MYLK: variants seen among roughly 807,000 people sequenced by gnomAD.
MYLK encodes the protein myosin light chain kinase, also known as myosin light chain kinase, smooth muscle.
In MYLK, 106 loss-of-function variants were observed where a neutral mutation model predicts 203.4. The observed-to-expected ratio is 0.52, with a 90% CI of 0.45 to 0.61. The LOEUF (loss-of-function observed/expected upper bound fraction) is 0.61, where lower values mean the gene tolerates loss of function less well. Among genes scored for constraint, MYLK ranks in the 20% least tolerant of loss-of-function variants. The pLI, the probability that MYLK is intolerant of heterozygous loss-of-function variation, is 0.00. For missense variants in MYLK, 2,072 were observed against 2,442.3 expected (o/e 0.85, Z 3.20); for synonymous variants, 867 against 959.5 (o/e 0.90, Z 1.78).
At chr3:123,806,556 G>A (rs1267176672) in intron 3 of MYLK, among the ~76,000 whole-genome samples, 1 of 152,126 alleles carries the variant, frequency 6.6e-6, no homozygotes, top group Non-Finnish European at 1.5e-5. Flanking sequence ...GTTACCAAAA[G>A]GGTTTTTACT....
chr3:123,716,725 C>G (rs33259), intron 13 of MYLK, among the ~76,000 whole-genome samples: 149,654 of 152,316 alleles, frequency 0.98, 73,566 homozygotes, highest in Middle Eastern at 1. Flanking sequence ...GGAGCTCAAT[C>G]CTGCGATTCT....
intron 4 of MYLK, among the ~76,000 whole-genome samples, chr3:123,778,466 T>C (rs896558668): frequency 1.4e-5 from 2 of 148,040 alleles, no homozygotes; most frequent in African/African-American, 2.5e-5. Context: ...TGAGCCAAGA[T>C]TGCGCCACTG....
chr3:123,733,999 G>A lies in MYLK; in HGVS notation c.997C>T (p.Pro333Ser). 1 of 1,614,210 alleles carries A rather than the reference G, an allele frequency of 6.2e-7. No homozygotes were observed. The highest frequency in any genetic ancestry group is 8.5e-7 in the Non-Finnish European group (1 of 1,180,044). ...GTCTTCTGAAGGACCGGGGTCTGCG[G>A]GGCCGTTCTGGGCGAGTCCTTGCAT... is the stretch of plus-strand genomic sequence containing the variant. Reference protein sequence around the residue: ...ESCKDSPRTAPQTPVLQKTSS... With the variant: ...ESCKDSPRTASQTPVLQKTSS... The change falls in exon 10 of 34, where the codon CCG (proline) becomes TCG (serine). Residue 333 changes from proline to serine, a missense_variant. Physicochemically the swap from Pro to Ser is moderately conservative, Grantham distance 74 (BLOSUM62 -1). Coordinates refer to ENST00000360304, the MANE Select transcript of MYLK (RefSeq NM_053025.4).
At chr3:123,798,864 T>C (rs930191409) in intron 3 of MYLK, among the ~76,000 whole-genome samples, 1 of 152,096 alleles carries the variant, frequency 6.6e-6, no homozygotes, top group African/African-American at 2.4e-5. Context: ...GTTACTGACA[T>C]ATGTGGAATG....
chr3:123,701,107 G>A, intron 17 of MYLK, 102 bp from the exon 18 acceptor site: 2 of 1,475,968 alleles, frequency 1.4e-6, no homozygotes, highest in Non-Finnish European at 1.8e-6. Context: ...GGAGGGTAGA[G>A]GGGAGCGGGA....
intron 31 of MYLK, chr3:123,625,150 C>T (rs16834480): frequency 0.18 from 28,082 of 152,292 alleles, 6,184 homozygotes; most frequent in African/African-American, 0.5. Context: ...TCTCTGTATT[C>T]TGACTGAGGT....
chr3:123,843,397 G>A (rs1024746785), intron 2 of MYLK, among the ~76,000 whole-genome samples: 1 of 152,170 alleles, frequency 6.6e-6, no homozygotes, highest in African/African-American at 2.4e-5. Flanking sequence ...TATGAGATAA[G>A]AATGAACATC....
chr3:123,823,852 T>C (rs2066020953), intron 3 of MYLK, among the ~76,000 whole-genome samples: 1 of 152,202 alleles, frequency 6.6e-6, no homozygotes, highest in Non-Finnish European at 1.5e-5. Flanking sequence ...CCTGCTTTGC[T>C]GTTCCTCCAA....
intron 4 of MYLK, among the ~76,000 whole-genome samples, chr3:123,757,563 G>C (rs1481562559): frequency 6.6e-6 from 1 of 152,166 alleles, no homozygotes; most frequent in African/African-American, 2.4e-5. Flanking sequence ...ATTGAGCTGA[G>C]GCCAGGGAGA....
chr3:123,873,997 C>T (rs936581839), intron 2 of MYLK, among the ~76,000 whole-genome samples: 4 of 151,928 alleles, frequency 2.6e-5, no homozygotes, highest in Non-Finnish European at 4.4e-5. Context: ...ATAAGGAAAT[C>T]AAAGATGACC....
chr3:123,786,030 C>T (rs878983912), intron 4 of MYLK, among the ~76,000 whole-genome samples: 7 of 152,150 alleles, frequency 4.6e-5, no homozygotes, highest in Admixed American at 3.3e-4. Context: ...AGGCCGGGCA[C>T]AGTGGCTCAC....
chr3:123,765,136 G>T (rs917313471), intron 4 of MYLK, among the ~76,000 whole-genome samples: 3 of 152,192 alleles, frequency 2.0e-5, no homozygotes, highest in Non-Finnish European at 4.4e-5. Context: ...ATGTAAAATG[G>T]CAGAGTTCTT....
At position 123,725,923 on chromosome 3, in the gene MYLK, G is replaced by T. The variant is rs759099071; in HGVS notation, c.1651+21C>A. Reference sequence around the variant, plus strand: ...AGGGCCCAGGGGATGGGAGCAGAGAGCTGGGGCAGGGGGAACTCACCATTC... The same window carrying T: ...AGGGCCCAGGGGATGGGAGCAGAGATCTGGGGCAGGGGGAACTCACCATTC... On this transcript the variant is annotated intron_variant, in intron 12 of 33. Coordinates refer to ENST00000360304, the MANE Select transcript of MYLK (RefSeq NM_053025.4). 1.9e-6 allele frequency: 3 copies of T among 1,612,162 alleles called. No homozygotes were observed. The Admixed American group carries it at 5.0e-5, about 27-fold the overall frequency.
chr3:123,798,447 T>C (rs1158341022), intron 3 of MYLK, among the ~76,000 whole-genome samples: 3 of 152,024 alleles, frequency 2.0e-5, no homozygotes, highest in African/African-American at 7.3e-5. Context: ...CTACCTTTGC[T>C]TTCAGGGGAG....
intron 2 of MYLK, among the ~76,000 whole-genome samples, chr3:123,832,394 G>A (rs774070261): frequency 1.3e-5 from 2 of 152,172 alleles, no homozygotes; most frequent in Non-Finnish European, 2.9e-5. Context: ...TTCCTCAGAG[G>A]GACAAATAAC....
At position 123,861,154 on chromosome 3, in the gene MYLK, A is replaced by C. The variant is rs547596004; in HGVS notation, c.-127+15405T>G. Among the ~76,000 whole-genome samples, 33 of 152,182 alleles carry C rather than the reference A, an allele frequency of 2.2e-4. No homozygotes were observed. In the Middle Eastern group the frequency reaches 0.024, roughly 110 times the overall value. On this transcript the variant is annotated intron_variant, in intron 2 of 33. Coordinates refer to ENST00000360304, the MANE Select transcript of MYLK (RefSeq NM_053025.4). ...CAAAAAAAAAACAAAAAACAAAAAA[A>C]AAAAACTGATTGGACACTGTGTGAT...
At position 123,631,176 on chromosome 3, in the gene MYLK, T is replaced by C. The variant is rs183889888; in HGVS notation, c.4962-1550A>G. Reference sequence around the variant, plus strand: ...ACTTTGGGAGGCCAAAATGGATGGATCACCTGAGGTCAGGAGTTTGAGGCT... The same window carrying C: ...ACTTTGGGAGGCCAAAATGGATGGACCACCTGAGGTCAGGAGTTTGAGGCT... On this transcript the variant is annotated intron_variant, in intron 29 of 33. Transcript: ENST00000360304. Among the ~76,000 whole-genome samples, 183 of 152,116 alleles carry C rather than the reference T, an allele frequency of 1.2e-3. 4 individuals carry two copies. The highest frequency in any genetic ancestry group is 2.1e-4 in the Non-Finnish European group (14 of 68,000).
At chr3:123,879,912 C>T (rs895303135) in intron 1 of MYLK, among the ~76,000 whole-genome samples, 1 of 152,146 alleles carries the variant, frequency 6.6e-6, no homozygotes, top group Non-Finnish European at 1.5e-5. Flanking sequence ...CCTTGGCCTC[C>T]CAAAGTGCTG....
chr3:123,635,824 C>T (rs753585453), intron 29 of MYLK, among the ~76,000 whole-genome samples: 4 of 152,278 alleles, frequency 2.6e-5, no homozygotes, highest in South Asian at 2.1e-4. Flanking sequence ...AATGGCCAAA[C>T]TGGAACCCAC....
Sources: allele counts gnomAD v4.1 joint callset (sites outside exome capture counted in the v4.1 genomes callset), GRCh38; gene constraint gnomAD v4.1.1; transcripts MANE v1.5; gene names NCBI Gene and HGNC (gene_info 2026-07-23, HGNC 2026-07-21).